The following NLRP1 variants were observed in gnomAD, a reference collection of about 807,000 sequenced individuals.
The protein encoded by NLRP1 is NACHT, LRR and PYD domains-containing protein 1.
In NLRP1, 94 loss-of-function variants were observed where a neutral mutation model predicts 136.7. The ratio of observed to expected loss-of-function variants is 0.69; its 90% CI spans 0.58 to 0.82. The LOEUF is 0.82. NLRP1 is among the 40% of genes least tolerant of loss of function. NLRP1 has a pLI of 0.00. For synonymous variants in NLRP1, 690 were observed against 725.1 expected, an observed-to-expected ratio of 0.95 and a Z score of 0.78; for missense variants, 1,575 against 1,802.7, an observed-to-expected ratio of 0.87 and a Z score of 2.29.
chr17:5,559,324 C>G lies in NLRP1; in HGVS notation c.1372G>C (p.Ala458Pro). ...AGGTTCTGCAGAGCTGTGGTCCGAG[C>G]CGTGATCAGGAAGGATGCCTCGGGA... ...ILPEASFLIT[A>P]RTTALQNLIP... The change falls in exon 4 of 17, where the codon GCT becomes CCT. Residue 458 changes from alanine (A) to proline (P), a missense_variant. By Grantham distance (27) the Ala-to-Pro change is conservative. Coordinates refer to ENST00000572272, the MANE Select transcript of NLRP1 (RefSeq NM_033004.4). 1 of 1,614,082 alleles carries G rather than the reference C, an allele frequency of 6.2e-7. No individual in the cohort carries two copies. The highest frequency in any genetic ancestry group is 8.5e-7 in the Non-Finnish European group (1 of 1,179,952).
intron 6 of NLRP1, among the ~76,000 whole-genome samples, chr17:5,540,687 T>G (rs980701337): frequency 6.6e-6 from 1 of 152,148 alleles, no homozygotes; most frequent in Non-Finnish European, 1.5e-5. Flanking sequence ...ATCTGACAAG[T>G]GTTACCGACT....
At chr17:5,550,547 T>A (rs191035152) in intron 5 of NLRP1, among the ~76,000 whole-genome samples, 1 of 152,322 alleles carries the variant, frequency 6.6e-6, no homozygotes, top group Admixed American at 6.5e-5. Context: ...ATACCCCATC[T>A]TTTATTTCTG....
At chr17:5,555,933 G>A (rs567137220) in intron 4 of NLRP1, among the ~76,000 whole-genome samples, 2 of 151,772 alleles carry the variant, frequency 1.3e-5, no homozygotes, top group African/African-American at 4.8e-5. Flanking sequence ...TTTCTACTAA[G>A]ACGACAAAAA....
intron 9 of NLRP1, 104 bp downstream of exon 9, chr17:5,533,793 G>A: frequency 1.3e-6 from 1 of 791,262 alleles, no homozygotes; most frequent in East Asian, 2.5e-5. Flanking sequence ...TAGGAAACCT[G>A]CCCCGTCCCA....
intron 3 of NLRP1, among the ~76,000 whole-genome samples, chr17:5,564,430 A>G (rs1388577375): frequency 6.6e-6 from 1 of 152,144 alleles, no homozygotes; most frequent in African/African-American, 2.4e-5. Flanking sequence ...TTTAGATCCC[A>G]CAAATAAGTG....
At chr17:5,538,801 T>C (rs759168642) in intron 7 of NLRP1, among the ~76,000 whole-genome samples, 3 of 152,194 alleles carry the variant, frequency 2.0e-5, no homozygotes, top group Admixed American at 6.5e-5. Context: ...CCCTAGAGCA[T>C]GCAGCCTCAG....
At chr17:5,530,144 A>C (rs548607729) in intron 12 of NLRP1, 33 of 469,066 alleles carry the variant, frequency 7.0e-5, no homozygotes, top group South Asian at 5.2e-4. Flanking sequence ...TACTTTGTAA[A>C]TGGTCCTGTC....
At chr17:5,567,478 T>C (rs1349596121) in intron 3 of NLRP1, among the ~76,000 whole-genome samples, 1 of 152,144 alleles carries the variant, frequency 6.6e-6, no homozygotes, top group African/African-American at 2.4e-5. Context: ...TTCCCAGCTT[T>C]TTAAACTTTT....
Position 5,520,856 on chromosome 17 carries a change from A to G in NLRP1, c.3915+25T>C, listed in dbSNP as rs368964174. 3 of 1,537,084 alleles carry G rather than the reference A, an allele frequency of 2.0e-6. No homozygotes were observed. In the African/African-American group the frequency reaches 4.1e-5, roughly 21 times the overall value. On this transcript the variant is annotated intron_variant, in intron 14 of 16. Coordinates refer to ENST00000572272, the MANE Select transcript of NLRP1 (RefSeq NM_033004.4). ...CCAGGTAGGACTTCTGTTCGCAGTG[A>G]AGAGGCAGACACTGGGCTGCTCACC...
rs1567675572 is a variant in NLRP1, at chr17:5,582,980, C to T, written c.272-134G>A. The T allele has an allele frequency of 4.5e-6, 3 of 671,670 alleles. No homozygotes were observed. The East Asian group carries it at 8.5e-5, about 19-fold the overall frequency. The allele number at this position is 671,670 out of a possible 1,614,324, so 41.6% of individuals were successfully genotyped here. On this transcript the variant is annotated intron_variant, in intron 1 of 16. Transcript: ENST00000572272. The stretch of plus-strand genomic sequence containing the variant: ...GTGAACCCGCTGCAGCCCTCTACAA[C>T]TTCCTCTAGAGGCTTGTCTGAAGAA...
In NLRP1 at chr17:5,583,987, G is replaced by A; in HGVS notation, c.-30C>T. ...GTCCCGGAGTTAAGAGGGTGTCTGG[G>A]GGATGTTCCCAGGTGGTGAGGGTAT... On this transcript the variant is annotated 5_prime_UTR_variant, in exon 1 of 17. Transcript: ENST00000572272. This position sits in a 1 kb window ranked among gnomAD's most constrained non-coding sequence, Gnocchi z 4.5. The A allele has an allele frequency of 2.5e-6, 4 of 1,596,842 alleles. No homozygotes were observed. Among genetic ancestry groups the A allele is most frequent in the Non-Finnish European group, 3.4e-6 (4 of 1,171,036 alleles).
intron 5 of NLRP1, among the ~76,000 whole-genome samples, chr17:5,543,449 A>G (rs1912138113): frequency 6.6e-6 from 1 of 152,198 alleles, no homozygotes; most frequent in South Asian, 2.1e-4. Context: ...GTAAAGCTAG[A>G]AAATATCAAG....
intron 7 of NLRP1, among the ~76,000 whole-genome samples, chr17:5,538,085 C>G (rs1911319889): frequency 6.6e-6 from 1 of 152,188 alleles, no homozygotes; most frequent in South Asian, 2.1e-4. Flanking sequence ...AAGCCCGAGG[C>G]CCAGGCTTCC....
At chr17:5,579,828 G>T (rs191570926) in intron 3 of NLRP1, among the ~76,000 whole-genome samples, 2 of 152,132 alleles carry the variant, frequency 1.3e-5, no homozygotes, top group African/African-American at 4.8e-5. Flanking sequence ...ATGAAATACC[G>T]CATGTTCTCA....
chr17:5,534,765 T>C (rs1910806011), intron 8 of NLRP1, among the ~76,000 whole-genome samples: 1 of 152,172 alleles, frequency 6.6e-6, no homozygotes, highest in Non-Finnish European at 1.5e-5. Context: ...TGTCGCTTCA[T>C]TGCTTCTGGG....
At chr17:5,521,977 A>C (rs1315485329) in intron 12 of NLRP1, among the ~76,000 whole-genome samples, 191 bp from the exon 13 acceptor site, 3 of 152,164 alleles carry the variant, frequency 2.0e-5, no homozygotes, top group African/African-American at 7.2e-5. Context: ...GGCGCCTGCC[A>C]CCATGCCCAG....
chr17:5,570,477 C>T (rs941391244), intron 3 of NLRP1, among the ~76,000 whole-genome samples: 2 of 151,796 alleles, frequency 1.3e-5, no homozygotes, highest in African/African-American at 2.4e-5. Flanking sequence ...GAGACTATTA[C>T]GAACACCTCT....
intron 14 of NLRP1, among the ~76,000 whole-genome samples, chr17:5,519,794 TATC>T (rs1908658862): frequency 6.6e-6 from 1 of 151,252 alleles, no homozygotes; most frequent in Admixed American, 6.6e-5. Context: ...CTTGCCTGCT[TATC>T]ATTCGTTCTC....
At chr17:5,518,111 T>C (rs1314035143) in intron 14 of NLRP1, 3 of 498,744 alleles carry the variant, frequency 6.0e-6, no homozygotes, top group Non-Finnish European at 1.1e-5. Flanking sequence ...TCCTTAAACG[T>C]AGTGCTCATA....
Sources: allele counts gnomAD v4.1 joint callset (sites outside exome capture counted in the v4.1 genomes callset), GRCh38; gene constraint gnomAD v4.1.1; non-coding constraint Gnocchi (gnomAD v3.1); transcripts MANE v1.5; gene names NCBI Gene and HGNC (gene_info 2026-07-23, HGNC 2026-07-21).